The following COL6A6 variants were observed in gnomAD, a reference collection of about 807,000 sequenced individuals.
The protein encoded by COL6A6 is collagen alpha-6(VI) chain.
In COL6A6, 183 loss-of-function variants were observed where a neutral mutation model predicts 208.6. The ratio of observed to expected loss-of-function variants is 0.88; its 90% CI spans 0.78 to 0.99. The LOEUF is 0.99. Ranked by LOEUF, COL6A6 falls within the 50% of genes least tolerant of loss-of-function variation. The pLI is 0.00. For synonymous variants in COL6A6, 973 were observed against 1,011.8 expected (o/e 0.96, Z 0.73); for missense variants, 2,816 against 2,815.2 (o/e 1.00, Z -0.01).
intron 23 of COL6A6, among the ~76,000 whole-genome samples, chr3:130,618,513 C>T (rs1360876718): frequency 6.6e-6 from 1 of 152,202 alleles, no homozygotes; most frequent in African/African-American, 2.4e-5. Flanking sequence ...TATTCTTGAT[C>T]TCAAGTCAAC....
At chr3:130,600,477 A>C (rs1453339582) in intron 20 of COL6A6, among the ~76,000 whole-genome samples, 1 of 152,232 alleles carries the variant, frequency 6.6e-6, no homozygotes, top group African/African-American at 2.4e-5. Flanking sequence ...AATGCGCATC[A>C]ATGATAGACT....
At chr3:130,592,944 G>A in intron 15 of COL6A6, 117 bp from the exon 16 acceptor site, 1 of 974,770 alleles carries the variant, frequency 1.0e-6, no homozygotes, top group Non-Finnish European at 1.6e-6. Flanking sequence ...TAATAACCCA[G>A]GCCCAGCCTC....
intron 1 of COL6A6, among the ~76,000 whole-genome samples, chr3:130,522,786 C>A (rs1033008233): frequency 6.6e-6 from 1 of 152,132 alleles, no homozygotes; most frequent in African/African-American, 2.4e-5. Context: ...CCCATCTAAT[C>A]AGTCTCCAAG....
chr3:130,594,340 TC>T lies in COL6A6; in HGVS notation c.4533del (p.Gly1512GlufsTer9). On this transcript the variant is annotated frameshift_variant and splice_region_variant, in exon 18 of 37. Coordinates refer to ENST00000358511, the MANE Select transcript of COL6A6 (RefSeq NM_001102608.3). LOFTEE classifies it high-confidence loss of function. The part of the protein sequence containing the change: ...DRGAKGLRGD[P>X]GAPGVDSSIE... ...GTGGAGCAAAGGGCCTGCGAGGGGATCCCGTAAGTGCACGGGCTGCAAACTG... is the reference window on the plus strand; with the variant it reads ...GTGGAGCAAAGGGCCTGCGAGGGGATCCGTAAGTGCACGGGCTGCAAACTG... 1 of 1,612,770 alleles carries T rather than the reference TC, an allele frequency of 6.2e-7. No individual in the cohort carries two copies. The highest frequency in any genetic ancestry group is 8.5e-7 in the Non-Finnish European group (1 of 1,179,292).
intron 22 of COL6A6, 51 bp downstream of exon 22, chr3:130,609,015 A>G: frequency 1.4e-6 from 2 of 1,428,510 alleles, no homozygotes; most frequent in African/African-American, 1.4e-5. Flanking sequence ...GAATCTGGGA[A>G]TGGAAAAATC....
rs371710564 is a variant in COL6A6 at position 130,627,351 on chromosome 3, C to A, written c.4974C>A (p.Val1658=). Residue 1658 remains valine (V), a synonymous_variant, in exon 26 of 37, where the codon GTC becomes GTA. Transcript: ENST00000358511. The part of the protein sequence containing the change: ...GNDGSPGYGS[V]GRKGAKGQEG... The stretch of plus-strand genomic sequence containing the variant: ...ATGGCAGTCCAGGTTATGGTAGTGT[C>A]GGACGCAAGGGAGCAAAGGTAAGTC... 6.2e-7 allele frequency: 1 copy of A among 1,613,574 alleles called. No individual in the cohort carries two copies. Among genetic ancestry groups the A allele is most frequent in the South Asian group, 1.1e-5 (1 of 91,052 alleles).
rs368469507 is a variant in COL6A6, at chr3:130,661,931, G to C, written c.6125G>C (p.Arg2042Pro). 2 of 1,613,960 alleles carry C rather than the reference G, an allele frequency of 1.2e-6. No individual in the cohort carries two copies. Among genetic ancestry groups the C allele is most frequent in the East Asian group, 2.2e-5 (1 of 44,890 alleles). Residue 2042 changes from arginine (R) to proline (P), a missense_variant, in exon 35 of 37, where the codon CGC becomes CCC. Transcript: ENST00000358511. ...EFNLTTYRSK[R>P]LMKRHVHESV... ...AATCTTACCACCTACAGAAGTAAGCGCCTCATGAAGAGGCATGTGCACGAG... is the reference window on the plus strand; with the variant it reads ...AATCTTACCACCTACAGAAGTAAGCCCCTCATGAAGAGGCATGTGCACGAG...
chr3:130,593,300 G>T (rs1364421440), intron 17 of COL6A6, 48 bp downstream of exon 17: 1 of 1,454,758 alleles, frequency 6.9e-7, no homozygotes, highest in Non-Finnish European at 9.6e-7. Flanking sequence ...GGGGATTAAG[G>T]GTGTGATTAA....
intron 1 of COL6A6, among the ~76,000 whole-genome samples, chr3:130,553,572 C>A (rs1009154970): frequency 6.6e-6 from 1 of 151,872 alleles, no homozygotes; most frequent in Non-Finnish European, 1.5e-5. Flanking sequence ...TACTTAGAAT[C>A]CTTGGATTTG....
intron 1 of COL6A6, among the ~76,000 whole-genome samples, chr3:130,539,915 T>A (rs559449930): frequency 1.4e-4 from 22 of 152,340 alleles, no homozygotes; most frequent in South Asian, 2.1e-4. Flanking sequence ...TTGAGTTTTT[T>A]AAAAATATAC....
intron 33 of COL6A6, among the ~76,000 whole-genome samples, chr3:130,657,997 C>G (rs1040293265): frequency 6.6e-6 from 1 of 152,100 alleles, no homozygotes; most frequent in Non-Finnish European, 1.5e-5. Context: ...CTGTTCTCTA[C>G]CCTCAAGCTC....
chr3:130,604,040 T>C (rs1321981294), intron 20 of COL6A6, among the ~76,000 whole-genome samples: 1 of 152,216 alleles, frequency 6.6e-6, no homozygotes, highest in Non-Finnish European at 1.5e-5. Flanking sequence ...TTGCAAGTCG[T>C]TGGGTAAACC....
At chr3:130,611,766 T>A (rs1301216551) in intron 23 of COL6A6, among the ~76,000 whole-genome samples, 3 of 152,242 alleles carry the variant, frequency 2.0e-5, no homozygotes, top group Admixed American at 6.5e-5. Context: ...TAAACTTGTA[T>A]CTCATGACAC....
At chr3:130,669,603 G>C (rs1576432067) in intron 36 of COL6A6, among the ~76,000 whole-genome samples, 1 of 152,112 alleles carries the variant, frequency 6.6e-6, no homozygotes, top group East Asian at 1.9e-4. Context: ...TGTGAGAAAA[G>C]TTATTTAAAT....
Position 130,595,160 on chromosome 3 carries a change from A to G in COL6A6, c.4533+817A>G, listed in dbSNP as rs150906945. On this transcript the variant is annotated intron_variant, in intron 18 of 36. Transcript: ENST00000358511. ...CACTGCCCTTGCAGGAGCACAACCC[A>G]GCTGAGTAGGCAGGACCCATGTTAA... Among the ~76,000 whole-genome samples, 1,008 of 152,222 alleles carry G rather than the reference A, an allele frequency of 6.6e-3. 8 individuals are homozygous for G. The highest frequency in any genetic ancestry group is 0.023 in the African/African-American group (951 of 41,518).
At chr3:130,520,862 A>G (rs1176571264) in intron 1 of COL6A6, among the ~76,000 whole-genome samples, 2 of 152,200 alleles carry the variant, frequency 1.3e-5, no homozygotes, top group East Asian at 1.9e-4. Context: ...ATTGACTGAC[A>G]TAACCCTAAA....
At chr3:130,654,620 C>T (rs2065738023) in intron 33 of COL6A6, among the ~76,000 whole-genome samples, 1 of 152,208 alleles carries the variant, frequency 6.6e-6, no homozygotes, top group African/African-American at 2.4e-5. Flanking sequence ...CCCAGGTGTC[C>T]TCTGGTCCTA....
intron 36 of COL6A6, among the ~76,000 whole-genome samples, chr3:130,671,091 G>A (rs1262845306): frequency 6.6e-6 from 1 of 152,146 alleles, no homozygotes; most frequent in African/African-American, 2.4e-5. Context: ...AAGGGGATGG[G>A]GAAAGCTTAT....
intron 31 of COL6A6, among the ~76,000 whole-genome samples, chr3:130,644,087 C>A (rs921786326): frequency 6.6e-6 from 1 of 152,084 alleles, no homozygotes; most frequent in African/African-American, 2.4e-5. Context: ...TAAAAAATCG[C>A]AAATCTAAAA....
Sources: gnomAD v4.1 joint callset for allele counts (sites outside exome capture counted in the v4.1 genomes callset) on GRCh38, gnomAD v4.1.1 for gene constraint, MANE v1.5 for transcripts, NCBI Gene and HGNC (gene_info 2026-07-23, HGNC 2026-07-21) for gene names.